The following NBPF20 variants were observed in gnomAD, a reference collection of about 807,000 sequenced individuals.
NBPF20 encodes NBPF member 20.
In NBPF20, 90 loss-of-function variants were observed where a neutral mutation model predicts 68.1. The ratio of observed to expected loss-of-function variants is 1.32; its 90% CI spans 1.11 to 1.58. The LOEUF (loss-of-function observed/expected upper bound fraction) is 1.58, where lower values mean the gene tolerates loss of function less well. NBPF20 is among the 40% of genes most tolerant of loss of function. NBPF20 has a pLI of 0.00. For synonymous variants in NBPF20, 290 were observed against 228.1 expected (o/e 1.27, Z -2.45); for missense variants, 816 against 601.2 (o/e 1.36, Z -3.74).
At chr1:145,424,174 G>A in the NBPF20 span, among the ~76,000 whole-genome samples, 1 of 148,406 alleles carries the variant, frequency 6.7e-6, no homozygotes, top group African/African-American at 2.5e-5. Context: ...TAGGGTTTTG[G>A]CACGTTGCCC....
At chr1:145,292,945 T>G (rs1661229180) in intron 136 of NBPF20, among the ~76,000 whole-genome samples, 1 of 13,376 alleles carries the variant, frequency 7.5e-5, no homozygotes, top group Non-Finnish European at 1.5e-4. Context: ...TTGTCACATC[T>G]GCCCAGGTCC....
chr1:145,423,828 GA>G, the NBPF20 span, among the ~76,000 whole-genome samples: 2 of 152,104 alleles, frequency 1.3e-5, no homozygotes, highest in African/African-American at 4.8e-5. Context: ...ATCACTTTGG[GA>G]AAACATTCAA....
At chr1:145,402,697 C>G (rs1571374118) in intron 3 of NBPF20, among the ~76,000 whole-genome samples, 1 of 149,932 alleles carries the variant, frequency 6.7e-6, no homozygotes, top group Non-Finnish European at 1.5e-5. Flanking sequence ...ATGGACATTT[C>G]CATGTGAAAA....
At chr1:145,413,511 G>C in the NBPF20 span, among the ~76,000 whole-genome samples, 2 of 152,278 alleles carry the variant, frequency 1.3e-5, no homozygotes, top group Non-Finnish European at 2.9e-5. Flanking sequence ...CAAGATGGAT[G>C]AATCTCAAAA....
chr1:145,397,557 C>G (rs1219746139), intron 7 of NBPF20, among the ~76,000 whole-genome samples: 2 of 152,156 alleles, frequency 1.3e-5, no homozygotes, highest in African/African-American at 4.8e-5. Context: ...CACCACCAGG[C>G]CTGCCTTACA....
chr1:145,394,207 TC>T (rs1296457346), intron 8 of NBPF20, among the ~76,000 whole-genome samples: 3 of 151,998 alleles, frequency 2.0e-5, no homozygotes, highest in Non-Finnish European at 4.4e-5. Context: ...AGAAATTTTT[TC>T]CCCAATAAAT....
the NBPF20 span, among the ~76,000 whole-genome samples, chr1:145,412,151 T>C: frequency 6.6e-6 from 1 of 150,752 alleles, no homozygotes; most frequent in Non-Finnish European, 1.5e-5. Context: ...CATCCCTGCT[T>C]CTCTTCCACT....
intron 5 of NBPF20, among the ~76,000 whole-genome samples, chr1:145,400,853 T>A (rs1662489547): frequency 6.6e-6 from 1 of 151,896 alleles, no homozygotes; most frequent in Non-Finnish European, 1.5e-5. Flanking sequence ...GACTCAGCTA[T>A]CCCTGTACGG....
chr1:145,292,558 T>C, intron 136 of NBPF20, 69 bp from the exon 142 acceptor site: 3 of 719,790 alleles, frequency 4.2e-6, no homozygotes, highest in East Asian at 2.5e-5. Flanking sequence ...ATCCACTGTC[T>C]AATCCTCACA....
chr1:145,400,389 C>A, exon 6 of NBPF20: 1 of 1,612,694 alleles, frequency 6.2e-7, no homozygotes, highest in East Asian at 2.2e-5. Context: ...CAGAGGCTAC[C>A]TGGAATAATG....
At chr1:145,291,607 A>T (rs782541329) in exon 138 of NBPF20, 2 of 1,612,010 alleles carry the variant, frequency 1.2e-6, no homozygotes, top group South Asian at 2.2e-5. Flanking sequence ...TGTCCACGTA[A>T]AGGGCGAAGC....
At chr1:145,394,044 G>T (rs1662088969) in intron 8 of NBPF20, 109 bp from the exon 14 acceptor site, 2 of 754,956 alleles carry the variant, frequency 2.6e-6, no homozygotes, top group South Asian at 2.8e-5. Flanking sequence ...GTCAGTGTGA[G>T]AACAGGAGAC....
chr1:145,377,625 A>G (rs1481329780), intron 29 of NBPF20, among the ~76,000 whole-genome samples, 187 bp from the exon 35 acceptor site: 1 of 142,114 alleles, frequency 7.0e-6, no homozygotes, highest in African/African-American at 2.5e-5. Context: ...TGAAAGAGAA[A>G]GACAGGGAGA....
chr1:145,291,472 G>T (rs1443589609), exon 138 of NBPF20: 39 of 1,611,782 alleles, frequency 2.4e-5, no homozygotes, highest in Middle Eastern at 2.2e-4. Flanking sequence ...AAATCTTCAC[G>T]TGCCTATAGG....
At chr1:145,292,657 T>A (rs1161687655) in intron 136 of NBPF20, among the ~76,000 whole-genome samples, 168 bp from the exon 142 acceptor site, 1 of 147,936 alleles carries the variant, frequency 6.8e-6, no homozygotes, top group Non-Finnish European at 1.5e-5. Flanking sequence ...TAGAACTTCC[T>A]CGGTTTTTCT....
At chr1:145,407,384 A>G (rs1431949947), upstream of NBPF20, among the ~76,000 whole-genome samples, 35 of 145,320 alleles carry the variant, frequency 2.4e-4, no homozygotes, top group African/African-American at 8.7e-4. Flanking sequence ...TATATAATAT[A>G]TATACACGTG....
intron 73 of NBPF20, among the ~76,000 whole-genome samples, chr1:145,342,859 G>T (rs1661632959): frequency 1.4e-5 from 1 of 73,870 alleles, no homozygotes; most frequent in Non-Finnish European, 2.6e-5. Context: ...ACTGATGAGG[G>T]AGTAACAGGA....
At chr1:145,396,290 G>T (rs1212140392) in intron 7 of NBPF20, among the ~76,000 whole-genome samples, 1 of 151,940 alleles carries the variant, frequency 6.6e-6, no homozygotes, top group Admixed American at 6.6e-5. Flanking sequence ...GAAGCGAGAA[G>T]AGAAGTTTAG....
exon 138 of NBPF20, chr1:145,291,386 T>C (rs1661068592): frequency 1.3e-6 from 2 of 1,572,016 alleles, no homozygotes; most frequent in Non-Finnish European, 8.6e-7. Flanking sequence ...ACTGGCATGG[T>C]TTGAGAATAG....
Sources: allele counts gnomAD v4.1 joint callset (sites outside exome capture counted in the v4.1 genomes callset), GRCh38; gene constraint gnomAD v4.1.1; transcripts MANE v1.5; gene names NCBI Gene and HGNC (gene_info 2026-07-23, HGNC 2026-07-21).